The following CYRIB variants were observed in gnomAD, a reference collection of about 807,000 sequenced individuals.
CYRIB encodes CYFIP-related Rac1 interactor B.
A neutral mutation model predicts 44.2 loss-of-function variants in CYRIB; 8 were observed. The ratio of observed to expected loss-of-function variants is 0.18; its 90% CI spans 0.11 to 0.33. The LOEUF (loss-of-function observed/expected upper bound fraction) is 0.33, where lower values mean the gene tolerates loss of function less well. Ranked by LOEUF, CYRIB falls within the 10% of genes least tolerant of loss-of-function variation. The probability of loss-of-function intolerance (pLI) is 1.00; values close to 1 mark genes in which losing one functional copy is unlikely to be tolerated. For missense variants in CYRIB, 185 were observed against 382.8 expected (o/e 0.48, Z 4.31); for synonymous variants, 131 against 127.2 (o/e 1.03, Z -0.20).
chr8:129,967,482 C>A (rs1460038919), intron 2 of CYRIB, among the ~76,000 whole-genome samples: 4 of 151,936 alleles, frequency 2.6e-5, no homozygotes, highest in Non-Finnish European at 5.9e-5. Flanking sequence ...CAGGTTCACG[C>A]CATTCTCCTG....
upstream of CYRIB, among the ~76,000 whole-genome samples, chr8:129,944,109 A>G (rs1388134337): frequency 6.6e-6 from 1 of 152,016 alleles, no homozygotes; most frequent in Non-Finnish European, 1.5e-5. Flanking sequence ...ACAAGTAAAG[A>G]GACGCTTCTA....
Position 129,849,433 on chromosome 8 carries a change from C to T in CYRIB, c.714-64G>A, listed in dbSNP as rs112259799. On this transcript the variant is annotated intron_variant, in intron 9 of 11. Transcript: ENST00000519824. ...ACAAAATTCTTTTTAAAAACACACA[C>T]ACACAAGAAAAACCTCTTCTGAAAT... The T allele has an allele frequency of 1.7e-5, 26 of 1,498,850 alleles. No homozygotes were observed. The African/African-American group carries it at 3.4e-4, about 19-fold the overall frequency. 92.8% of individuals were successfully genotyped at this position (1,498,850 alleles called of 1,614,324 possible).
intron 1 of CYRIB, among the ~76,000 whole-genome samples, chr8:129,997,089 G>T: frequency 7.6e-6 from 1 of 131,094 alleles, no homozygotes; most frequent in Non-Finnish European, 1.6e-5. Context: ...AGGGAGGGAA[G>T]GAGGGAGGGA....
At chr8:129,977,516 T>C (rs1262875810) in intron 1 of CYRIB, among the ~76,000 whole-genome samples, 8 of 152,052 alleles carry the variant, frequency 5.3e-5, no homozygotes, top group Non-Finnish European at 1.0e-4. Context: ...TTTGGTATTA[T>C]CACCTAATAT....
At chr8:129,943,086 A>ACCCGCCCC (rs1554688132), upstream of CYRIB, among the ~76,000 whole-genome samples, 2 of 101,580 alleles carry the variant, frequency 2.0e-5, no homozygotes, top group South Asian at 3.7e-4. Flanking sequence ...TGCACCGCCC[A>ACCCGCCCC]CCCGCCCCCC....
chr8:129,940,289 C>T (rs572970301), upstream of CYRIB, among the ~76,000 whole-genome samples: 9 of 152,372 alleles, frequency 5.9e-5, 1 homozygote, highest in South Asian at 1.9e-3. Context: ...GCGCGCCTCT[C>T]CCCTTTGGGT....
intron 4 of CYRIB, among the ~76,000 whole-genome samples, chr8:129,863,205 A>C (rs1193984774): frequency 6.6e-6 from 1 of 152,232 alleles, no homozygotes; most frequent in Non-Finnish European, 1.5e-5. Context: ...CTACGACTTA[A>C]GAACCTAAAT....
At chr8:130,009,951 A>T (rs943734201) in intron 1 of CYRIB, among the ~76,000 whole-genome samples, 1 of 152,242 alleles carries the variant, frequency 6.6e-6, no homozygotes, top group African/African-American at 2.4e-5. Flanking sequence ...GCGGCCAGAC[A>T]GAGCCAGTGA....
At chr8:129,887,378 A>G (rs2063202120) in intron 2 of CYRIB, among the ~76,000 whole-genome samples, 1 of 152,216 alleles carries the variant, frequency 6.6e-6, no homozygotes, top group South Asian at 2.1e-4. Context: ...TAGATTTCAG[A>G]GGATGTATGG....
intron 2 of CYRIB, among the ~76,000 whole-genome samples, chr8:129,965,172 G>A (rs965753636): frequency 7.2e-5 from 11 of 152,036 alleles, no homozygotes; most frequent in African/African-American, 2.7e-4. Flanking sequence ...AGGACACATA[G>A]CAGGATATCT....
chr8:129,839,680 G>A (rs916999359), exon 12 of CYRIB: 2 of 152,102 alleles, frequency 1.3e-5, no homozygotes, highest in African/African-American at 4.8e-5. Flanking sequence ...TCTTTTGATT[G>A]TATTCAACCT....
intron 4 of CYRIB, among the ~76,000 whole-genome samples, chr8:129,870,629 A>C (rs954695524): frequency 6.6e-6 from 1 of 152,130 alleles, no homozygotes; most frequent in Admixed American, 6.5e-5. Flanking sequence ...TGACCTCTGC[A>C]CTCTTTGTTA....
chr8:129,889,663 T>C (rs2086641), intron 2 of CYRIB, among the ~76,000 whole-genome samples: 34,781 of 152,066 alleles, frequency 0.23, 4,990 homozygotes, highest in East Asian at 0.52. Context: ...GTGGTGGAAA[T>C]ACCAAGAGAA....
chr8:129,845,842 T>C (rs181065367), intron 11 of CYRIB, among the ~76,000 whole-genome samples: 11 of 152,218 alleles, frequency 7.2e-5, no homozygotes, highest in African/African-American at 2.7e-4. Context: ...TATCGAGATT[T>C]TCATTTAAAA....
At chr8:129,928,902 T>C (rs964041256) in intron 1 of CYRIB, among the ~76,000 whole-genome samples, 7 of 152,228 alleles carry the variant, frequency 4.6e-5, no homozygotes, top group Non-Finnish European at 7.3e-5. Context: ...TTAAAAATTA[T>C]ATAAGTTTTC....
At chr8:129,930,266 T>TA (rs1266017422) in intron 1 of CYRIB, among the ~76,000 whole-genome samples, 1 of 148,514 alleles carries the variant, frequency 6.7e-6, no homozygotes, top group East Asian at 2.0e-4. Context: ...TATGAGACCC[T>TA]AACAAGATCC....
chr8:129,936,704 CTTTTTTTTTTT>C (rs397893033), intron 1 of CYRIB, among the ~76,000 whole-genome samples: 1 of 118,244 alleles, frequency 8.5e-6, no homozygotes, highest in Non-Finnish European at 1.7e-5. Flanking sequence ...ATATAGCAGT[CTTTTTTTTTTT>C]TTTTTTTTTG....
At chr8:129,972,336 C>A (rs1313124116) in intron 1 of CYRIB, among the ~76,000 whole-genome samples, 2 of 152,154 alleles carry the variant, frequency 1.3e-5, no homozygotes, top group African/African-American at 4.8e-5. Flanking sequence ...CGGTGGCTCA[C>A]CCGTAATCCT....
chr8:129,887,852 T>C (rs1183208215), intron 2 of CYRIB, among the ~76,000 whole-genome samples: 1 of 152,236 alleles, frequency 6.6e-6, no homozygotes, highest in Non-Finnish European at 1.5e-5. Context: ...ACAATGCCTG[T>C]ACCCTCATTG....
Sources: gnomAD v4.1 joint callset for allele counts (sites outside exome capture counted in the v4.1 genomes callset) on GRCh38, gnomAD v4.1.1 for gene constraint, MANE v1.5 for transcripts, NCBI Gene and HGNC (gene_info 2026-07-23, HGNC 2026-07-21) for gene names.